Variants in LHX8 observed in about 807,000 individuals in gnomAD.
The protein encoded by LHX8 is LIM/homeobox protein Lhx8.
LHX8 carries 12 observed loss-of-function variants against 40.3 expected under a neutral mutation model. The ratio of observed to expected loss-of-function variants is 0.30; its 90% CI spans 0.19 to 0.48. The LOEUF is 0.48. LHX8 is among the 20% of genes least tolerant of loss of function. The probability of loss-of-function intolerance (pLI) is 0.99; values close to 1 mark genes in which losing one functional copy is unlikely to be tolerated. For synonymous variants in LHX8, 179 were observed against 162.0 expected, an observed-to-expected ratio of 1.10 and a Z score of -0.80; for missense variants, 344 against 433.7, an observed-to-expected ratio of 0.79 and a Z score of 1.84.
chr1:75,176,465 G>A, the LHX8 span, among the ~76,000 whole-genome samples: 4 of 152,136 alleles, frequency 2.6e-5, no homozygotes, highest in African/African-American at 9.7e-5. Context: ...CTGCATAAAT[G>A]TCTTCTTTTG....
downstream of LHX8, among the ~76,000 whole-genome samples, chr1:75,163,882 C>T (rs1219463248): frequency 6.6e-6 from 1 of 152,088 alleles, no homozygotes; most frequent in Non-Finnish European, 1.5e-5. Context: ...TAAAAGAGAC[C>T]TAAGGGGCTT....
chr1:75,159,905 C>G (rs1237361443), intron 8 of LHX8: 1 of 152,128 alleles, frequency 6.6e-6, no homozygotes, highest in African/African-American at 2.4e-5. Flanking sequence ...TTTTACTACT[C>G]CTTGGAGTTA....
intron 7 of LHX8, among the ~76,000 whole-genome samples, chr1:75,150,929 C>G (rs1196972450): frequency 1.3e-5 from 2 of 151,996 alleles, no homozygotes; most frequent in Non-Finnish European, 2.9e-5. Flanking sequence ...CCCGCCTCAG[C>G]CTTCCAAAGT....
chr1:75,196,212 G>C, the LHX8 span, among the ~76,000 whole-genome samples: 7 of 152,070 alleles, frequency 4.6e-5, no homozygotes, highest in Non-Finnish European at 8.8e-5. Context: ...TCTGGTTCCT[G>C]TGAGCACTAT....
the LHX8 span, among the ~76,000 whole-genome samples, chr1:75,173,680 C>A: frequency 8.6e-5 from 13 of 152,026 alleles, no homozygotes; most frequent in Admixed American, 8.5e-4. Context: ...CCGTGCCCAG[C>A]CCAGGATATA....
the LHX8 span, among the ~76,000 whole-genome samples, chr1:75,180,455 G>A: frequency 6.6e-6 from 1 of 152,032 alleles, no homozygotes; most frequent in Non-Finnish European, 1.5e-5. Flanking sequence ...TTCAATCACT[G>A]ATACCCTTTC....
intron 2 of LHX8, 151 bp downstream of exon 2, chr1:75,136,840 G>GGGTGGGGGGGGGGGGGC: frequency 8.9e-6 from 4 of 448,574 alleles, no homozygotes; most frequent in Non-Finnish European, 1.7e-5. Flanking sequence ...GGTGGGGTGG[G>GGGTGGGGGGGGGGGGGC]AAGCTTAGCT....
the LHX8 span, among the ~76,000 whole-genome samples, chr1:75,183,907 C>T: frequency 1.3e-5 from 2 of 152,114 alleles, no homozygotes; most frequent in South Asian, 2.1e-4. Context: ...TACATCCATA[C>T]ATTCAGAGTA....
chr1:75,144,471 G>A (rs1428247484), intron 6 of LHX8, among the ~76,000 whole-genome samples: 1 of 152,098 alleles, frequency 6.6e-6, no homozygotes, highest in African/African-American at 2.4e-5. Context: ...GACTACAATT[G>A]AGCAGATTCC....
downstream of LHX8, among the ~76,000 whole-genome samples, chr1:75,163,771 T>C (rs1312060824): frequency 1.3e-5 from 2 of 152,218 alleles, no homozygotes; most frequent in African/African-American, 4.8e-5. Context: ...ATTTCTTGTA[T>C]TAAAACATAG....
downstream of LHX8, among the ~76,000 whole-genome samples, chr1:75,163,797 T>G (rs572131663): frequency 1.1e-4 from 17 of 152,200 alleles, no homozygotes; most frequent in Admixed American, 2.6e-4. Context: ...AATGTGGTGG[T>G]ATTAAGAGGT....
At chr1:75,141,180 T>C in intron 4 of LHX8, 74 bp downstream of exon 4, 1 of 1,521,996 alleles carries the variant, frequency 6.6e-7, no homozygotes, top group African/African-American at 1.4e-5. Context: ...AATAGGCTTT[T>C]TCTTGTTCAG....
At chr1:75,175,885 T>C in the LHX8 span, among the ~76,000 whole-genome samples, 1 of 152,120 alleles carries the variant, frequency 6.6e-6, no homozygotes, top group African/African-American at 2.4e-5. Context: ...AGTGTTCTCA[T>C]TGTCTAGTTA....
chr1:75,138,229 C>T (rs532542142), intron 3 of LHX8, among the ~76,000 whole-genome samples: 1 of 152,310 alleles, frequency 6.6e-6, no homozygotes, highest in African/African-American at 2.4e-5. Flanking sequence ...AATGGTCTCT[C>T]CTACACTGAA....
chr1:75,181,779 T>C, the LHX8 span, among the ~76,000 whole-genome samples: 2 of 152,214 alleles, frequency 1.3e-5, no homozygotes, highest in African/African-American at 4.8e-5. Flanking sequence ...GTCTTCTGCA[T>C]CGATCATACT....
intron 7 of LHX8, among the ~76,000 whole-genome samples, chr1:75,152,970 G>A (rs1648650223): frequency 6.6e-6 from 1 of 151,968 alleles, no homozygotes; most frequent in Admixed American, 6.5e-5. Context: ...ATATCTTACT[G>A]ATATTTATTA....
At chr1:75,135,358 C>A (rs1648090421) in intron 1 of LHX8, among the ~76,000 whole-genome samples, 1 of 152,220 alleles carries the variant, frequency 6.6e-6, no homozygotes, top group Non-Finnish European at 1.5e-5. Context: ...CTGACTATTT[C>A]TTTGCTCCGA....
chr1:75,162,289 C>T (rs576786867), downstream of LHX8, among the ~76,000 whole-genome samples: 36 of 151,152 alleles, frequency 2.4e-4, no homozygotes, highest in South Asian at 1.9e-3. Context: ...TATTTTAAAT[C>T]CCTTTGTAGC....
rs561901889 is a variant in LHX8, at chr1:75,151,285, A to G, written c.780+2603A>G. 1.7e-4 allele frequency among the ~76,000 whole-genome samples: 26 copies of G among 152,280 alleles called. No homozygotes were observed. The East Asian group carries it at 4.8e-3, about 28-fold the overall frequency. On this transcript the variant is annotated intron_variant, in intron 7 of 8. Transcript: ENST00000356261. ...CAAGGTAATGAGGCTGTCTTAGGAG[A>G]CAAGTTCTACCACTTCAGCACTTTC...
Sources: gnomAD v4.1 joint callset for allele counts (sites outside exome capture counted in the v4.1 genomes callset) on GRCh38, gnomAD v4.1.1 for gene constraint, MANE v1.5 for transcripts, NCBI Gene and HGNC (gene_info 2026-07-23, HGNC 2026-07-21) for gene names.